Variants in PDE4D observed in about 807,000 individuals in gnomAD.
The protein encoded by PDE4D is phosphodiesterase 4D.
Under a neutral mutation model 87.4 loss-of-function variants are expected in PDE4D, and 24 were observed. The observed-to-expected ratio is 0.27, with a 90% CI of 0.20 to 0.39. The LOEUF is 0.39. Among genes scored for constraint, PDE4D ranks in the 10% least tolerant of loss-of-function variants. PDE4D has a pLI of 1.00. For missense variants in PDE4D, 714 were observed against 1,041.0 expected, an observed-to-expected ratio of 0.69 and a Z score of 4.32; for synonymous variants, 384 against 383.2, an observed-to-expected ratio of 1.00 and a Z score of -0.02.
chr5:59,318,182 A>T (rs1240714562), intron 1 of PDE4D, among the ~76,000 whole-genome samples: 1 of 152,190 alleles, frequency 6.6e-6, no homozygotes, highest in Non-Finnish European at 1.5e-5. Context: ...TGGTCTGGGT[A>T]CACTGGAGGC....
intron 5 of PDE4D, among the ~76,000 whole-genome samples, chr5:59,117,890 A>T (rs746022551): frequency 9.9e-5 from 15 of 151,532 alleles, no homozygotes; most frequent in African/African-American, 1.5e-4. Context: ...CACACAATAG[A>T]TTGTCAAATT....
At chr5:58,977,844 T>C (rs937405134) in intron 11 of PDE4D, among the ~76,000 whole-genome samples, 1 of 152,224 alleles carries the variant, frequency 6.6e-6, no homozygotes, top group Non-Finnish European at 1.5e-5. Flanking sequence ...CATTTGCTCA[T>C]GTATAGCTCT....
intron 1 of PDE4D, among the ~76,000 whole-genome samples, chr5:59,755,684 A>T (rs1761115950): frequency 6.7e-6 from 1 of 149,790 alleles, no homozygotes; most frequent in Non-Finnish European, 1.5e-5. Flanking sequence ...AGAAGGTCAT[A>T]AAAAAAATCA....
At chr5:60,333,882 AAG>A (rs1256776827) in intron 1 of PDE4D, among the ~76,000 whole-genome samples, 2 of 150,776 alleles carry the variant, frequency 1.3e-5, no homozygotes, top group Non-Finnish European at 3.0e-5. Flanking sequence ...AAGGAGAGAA[AAG>A]AGAGAAAAAA....
intron 3 of PDE4D, among the ~76,000 whole-genome samples, chr5:59,919,784 T>C (rs1015687749): frequency 6.6e-6 from 1 of 152,218 alleles, no homozygotes; most frequent in African/African-American, 2.4e-5. Flanking sequence ...ATTTTTCAAA[T>C]TGGTTTTACA....
chr5:59,640,845 C>T (rs1398363710), intron 1 of PDE4D, among the ~76,000 whole-genome samples: 1 of 152,208 alleles, frequency 6.6e-6, no homozygotes, highest in Admixed American at 6.5e-5. Context: ...GCCTGTTTAT[C>T]AAGAGTGTTC....
intron 1 of PDE4D, among the ~76,000 whole-genome samples, chr5:59,241,618 T>A (rs1229615787): frequency 1.3e-5 from 2 of 152,142 alleles, no homozygotes; most frequent in Non-Finnish European, 2.9e-5. Flanking sequence ...AGAGAGAGGG[T>A]AACTTTACTT....
intron 1 of PDE4D, among the ~76,000 whole-genome samples, chr5:60,442,531 T>C (rs1416115565): frequency 6.6e-6 from 1 of 152,114 alleles, no homozygotes; most frequent in Non-Finnish European, 1.5e-5. Context: ...CGTGTATACC[T>C]ATGTAACAAA....
intron 4 of PDE4D, among the ~76,000 whole-genome samples, chr5:59,182,861 C>A (rs1353480641): frequency 1.3e-5 from 2 of 152,174 alleles, no homozygotes; most frequent in African/African-American, 4.8e-5. Context: ...TGACAAGAAG[C>A]AGTAATGTGT....
chr5:60,461,819 C>T (rs2150173235), intron 1 of PDE4D, among the ~76,000 whole-genome samples: 1 of 152,300 alleles, frequency 6.6e-6, no homozygotes, highest in Middle Eastern at 3.4e-3. Context: ...AGAGTTGTTA[C>T]CTTAAATATA....
chr5:60,445,805 A>G (rs1745596913), intron 1 of PDE4D, among the ~76,000 whole-genome samples: 1 of 152,182 alleles, frequency 6.6e-6, no homozygotes, highest in South Asian at 2.1e-4. Context: ...AAATGTTCTT[A>G]CCACAATTAA....
intron 1 of PDE4D, among the ~76,000 whole-genome samples, chr5:59,626,798 C>T (rs1362657802): frequency 6.6e-6 from 1 of 152,114 alleles, no homozygotes; most frequent in Non-Finnish European, 1.5e-5. Context: ...AGCTAAAATA[C>T]TAAAATGCAT....
chr5:59,960,118 G>C (rs1759303490), intron 3 of PDE4D, among the ~76,000 whole-genome samples: 3 of 152,168 alleles, frequency 2.0e-5, no homozygotes, highest in Non-Finnish European at 2.9e-5. Flanking sequence ...CTAATCATCA[G>C]AGAAATGCAA....
chr5:59,430,157 C>T, intron 1 of PDE4D: 2 of 751,438 alleles, frequency 2.7e-6, no homozygotes, highest in Non-Finnish European at 3.6e-6. Context: ...AATTTTTTTC[C>T]CAACTATCCA....
intron 5 of PDE4D, among the ~76,000 whole-genome samples, chr5:59,064,026 T>C (rs1471608403): frequency 6.6e-6 from 1 of 151,980 alleles, no homozygotes; most frequent in African/African-American, 2.4e-5. Context: ...TTCAAGAGTT[T>C]GACTGTTGTC....
intron 2 of PDE4D, among the ~76,000 whole-genome samples, chr5:60,138,388 T>G (rs1296647254): frequency 6.6e-6 from 1 of 152,144 alleles, no homozygotes; most frequent in Non-Finnish European, 1.5e-5. Flanking sequence ...AGTAGGTTTA[T>G]TCAATCAATC....
rs1561308363 is a variant in PDE4D, at chr5:59,015,513, ACG to A, written c.922-22050_922-22049del. 7.7e-4 allele frequency among the ~76,000 whole-genome samples: 117 copies of A among 151,326 alleles called. 1 individual carries two copies. The highest frequency in any genetic ancestry group is 2.6e-3 in the African/African-American group (107 of 41,452). ...GAAGACATTTATGCAGCCAACAGAC[ACG>A]TGAAAAAATGCTCATCATGACTGGC... On this transcript the variant is annotated intron_variant, in intron 6 of 14. Transcript: ENST00000340635.
intron 1 of PDE4D, among the ~76,000 whole-genome samples, chr5:59,669,367 C>T (rs1245467912): frequency 6.6e-6 from 1 of 152,212 alleles, no homozygotes; most frequent in Non-Finnish European, 1.5e-5. Flanking sequence ...CCGCCTCGGC[C>T]TCCCAAAATG....
intron 2 of PDE4D, among the ~76,000 whole-genome samples, chr5:60,109,203 C>T (rs1442790537): frequency 6.6e-6 from 1 of 152,074 alleles, no homozygotes; most frequent in Non-Finnish European, 1.5e-5. Context: ...GGGCGAAGGC[C>T]ATGAACAGAC....
Sources: gnomAD v4.1 joint callset for allele counts (sites outside exome capture counted in the v4.1 genomes callset) on GRCh38, gnomAD v4.1.1 for gene constraint, MANE v1.5 for transcripts, NCBI Gene and HGNC (gene_info 2026-07-23, HGNC 2026-07-21) for gene names.